The following RASSF3 variants were observed in gnomAD, a reference collection of about 807,000 sequenced individuals.
The protein encoded by RASSF3 is ras association domain-containing protein 3.
A neutral mutation model predicts 19.9 loss-of-function variants in RASSF3; 19 were observed. The ratio of observed to expected loss-of-function variants is 0.96; its 90% CI spans 0.67 to 1.40. The LOEUF (loss-of-function observed/expected upper bound fraction) is 1.40. Among genes scored for constraint, RASSF3 ranks in the 40% most tolerant of loss-of-function variants. The pLI is 0.00. For synonymous variants in RASSF3, 110 were observed against 104.2 expected, an observed-to-expected ratio of 1.06 and a Z score of -0.34; for missense variants, 306 against 289.8, an observed-to-expected ratio of 1.06 and a Z score of -0.41.
intron 1 of RASSF3, among the ~76,000 whole-genome samples, chr12:64,621,955 T>A (rs1870786446): frequency 6.6e-6 from 1 of 151,898 alleles, no homozygotes; most frequent in African/African-American, 2.4e-5. Context: ...CCATGTGTTT[T>A]AAAAAAAAGG....
chr12:64,537,377 T>C (rs1408819412), intron 1 of RASSF3, among the ~76,000 whole-genome samples: 1 of 152,192 alleles, frequency 6.6e-6, no homozygotes, highest in African/African-American at 2.4e-5. Flanking sequence ...CTGAGTAGGA[T>C]AGTAATGGGT....
At chr12:64,666,855 G>A (rs1339506104) in intron 1 of RASSF3, among the ~76,000 whole-genome samples, 1 of 152,150 alleles carries the variant, frequency 6.6e-6, no homozygotes, top group African/African-American at 2.4e-5. Context: ...GCCAAAATTG[G>A]TTCATTTACT....
rs116778842 is a variant in RASSF3 at position 64,624,168 on chromosome 12, C to G, written c.111+13425C>G. 3.7e-3 allele frequency among the ~76,000 whole-genome samples: 563 copies of G among 151,994 alleles called. 16 individuals are homozygous for G. The highest frequency in any genetic ancestry group is 0.013 in the African/African-American group (537 of 41,284). On this transcript the variant is annotated intron_variant, in intron 1 of 4. Coordinates refer to ENST00000542104, the MANE Select transcript of RASSF3 (RefSeq NM_178169.4). ...ACGAGTACGTTTCATAAAGGCAAAC[C>G]TAGCACCGATATCAACAAATCCACT...
rs1868391641 is a variant in RASSF3 at position 64,697,137 on chromosome 12, G to A, written c.*2225G>A. ...CTCATCTATATTTACCCAAAACCTCGCTTACTGTCATGTGCACTACAAATT... is the reference window on the plus strand; with the variant it reads ...CTCATCTATATTTACCCAAAACCTCACTTACTGTCATGTGCACTACAAATT... On this transcript the variant is annotated 3_prime_UTR_variant, in exon 5 of 5. Transcript: ENST00000542104. 1 of 145,588 alleles carries A rather than the reference G, an allele frequency of 6.9e-6. No individual in the cohort carries two copies. Among genetic ancestry groups the A allele is most frequent in the African/African-American group, 2.6e-5 (1 of 39,034 alleles). 9.0% of individuals were successfully genotyped at this position (145,588 alleles called of 1,614,324 possible). A position where few individuals can be genotyped will look rare whatever the true frequency, so the allele number is the denominator to read the frequency against.
At chr12:64,528,132 G>A (rs1007671597) in intron 1 of RASSF3, among the ~76,000 whole-genome samples, 1 of 151,968 alleles carries the variant, frequency 6.6e-6, no homozygotes, top group African/African-American at 2.4e-5. Flanking sequence ...AATTAGTGGG[G>A]CATGGTGGTG....
At chr12:64,638,355 C>T (rs990791199) in intron 1 of RASSF3, among the ~76,000 whole-genome samples, 28 of 151,966 alleles carry the variant, frequency 1.8e-4, no homozygotes, top group South Asian at 4.1e-4. Context: ...CCGAGGCGGG[C>T]GGATCACAAG....
At position 64,622,862 on chromosome 12, in the gene RASSF3, C is replaced by G. The variant is rs1870833743; in HGVS notation, c.111+12119C>G. Among the ~76,000 whole-genome samples the G allele has an allele frequency of 6.0e-5, 9 of 151,102 alleles. No individual in the cohort carries two copies. In the South Asian group the frequency reaches 1.9e-3, roughly 32 times the overall value. On this transcript the variant is annotated intron_variant, in intron 1 of 4. Coordinates refer to ENST00000542104, the MANE Select transcript of RASSF3 (RefSeq NM_178169.4). ...TTGAGATGGAGTCTTGCTCTGTTGCCCAGGCTGTAGTACAGTGGCACGATC... is the reference window on the plus strand; with the variant it reads ...TTGAGATGGAGTCTTGCTCTGTTGCGCAGGCTGTAGTACAGTGGCACGATC...
intron 2 of RASSF3, among the ~76,000 whole-genome samples, chr12:64,563,425 T>C (rs1291854879): frequency 4.0e-5 from 6 of 151,430 alleles, no homozygotes; most frequent in African/African-American, 1.5e-4. Flanking sequence ...CCACCTCAGC[T>C]TCCCAAAGTG....
At chr12:64,567,974 C>T (rs978457335) in intron 2 of RASSF3, among the ~76,000 whole-genome samples, 1 of 152,250 alleles carries the variant, frequency 6.6e-6, no homozygotes. Flanking sequence ...TTTCTCCTCA[C>T]ATCCTGAGGC....
At position 64,632,560 on chromosome 12, in the gene RASSF3, C is replaced by T. The variant is rs368764534; in HGVS notation, c.111+21817C>T. ...TTGAGTTGTCACATTGGCACCTGAT[C>T]GACCAGGGTGAGGGGAGGCAAGGAA... On this transcript the variant is annotated intron_variant, in intron 1 of 4. Transcript: ENST00000542104. Among the ~76,000 whole-genome samples the T allele has an allele frequency of 1.1e-4, 17 of 151,918 alleles. No individual in the cohort carries two copies. The East Asian group carries it at 1.4e-3, about 12-fold the overall frequency.
chr12:64,673,714 C>T (rs532663271), intron 1 of RASSF3, among the ~76,000 whole-genome samples: 1 of 152,248 alleles, frequency 6.6e-6, no homozygotes, highest in South Asian at 2.1e-4. Context: ...TTACATAGCT[C>T]ACCTAGAATT....
intron 1 of RASSF3, among the ~76,000 whole-genome samples, chr12:64,660,012 ATATG>A (rs976327806): frequency 2.6e-5 from 3 of 113,936 alleles, no homozygotes; most frequent in African/African-American, 1.3e-4. Context: ...GCGTGTATAT[ATATG>A]TGTGTGTGTG....
chr12:64,576,090 TGTTAAAGCAAGAATA>T lies in RASSF3; in HGVS notation c.294+34396_294+34410del, dbSNP rs1869591765. 2.6e-5 allele frequency among the ~76,000 whole-genome samples: 4 copies of T among 152,192 alleles called. No individual in the cohort carries two copies. In the South Asian group the frequency reaches 6.2e-4, roughly 24 times the overall value. On this transcript the variant is annotated intron_variant, in intron 2 of 5. Transcript: ENST00000637125. ...TTTTAGTAGAGACAGGGTTTCTCCA[TGTTAAAGCAAGAATA>T]GTTAAAGCAATCTTGGAGAAGACAA...
chr12:64,581,110 TA>T (rs749206943), intron 2 of RASSF3, among the ~76,000 whole-genome samples: 1,784 of 143,214 alleles, frequency 0.012, 12 homozygotes, highest in Non-Finnish European at 0.014. Context: ...ATTACTGTGG[TA>T]AAAAAAAAAA....
At chr12:64,686,428 C>T (rs530939771) in intron 2 of RASSF3, among the ~76,000 whole-genome samples, 1 of 152,224 alleles carries the variant, frequency 6.6e-6, no homozygotes, top group African/African-American at 2.4e-5. Flanking sequence ...CTGGCTAACA[C>T]AGTGAAACCC....
chr12:64,551,581 T>A (rs11175446), intron 2 of RASSF3, among the ~76,000 whole-genome samples: 23,809 of 152,124 alleles, frequency 0.16, 2,453 homozygotes, highest in African/African-American at 0.29. Flanking sequence ...GTCTCAAAAA[T>A]AATATGCATG....
chr12:64,548,953 G>A (rs188837179), intron 2 of RASSF3, among the ~76,000 whole-genome samples: 6 of 152,248 alleles, frequency 3.9e-5, no homozygotes, highest in Admixed American at 3.9e-4. Flanking sequence ...CTCAGAGGAT[G>A]TGGACTTCAC....
upstream of RASSF3, among the ~76,000 whole-genome samples, chr12:64,531,909 A>G (rs1868716641): frequency 6.6e-6 from 1 of 152,206 alleles, no homozygotes; most frequent in Non-Finnish European, 1.5e-5. Context: ...TTTGCACCCA[A>G]TCCTGATGGC....
At chr12:64,561,223 T>C (rs1869342198) in intron 2 of RASSF3, among the ~76,000 whole-genome samples, 1 of 152,250 alleles carries the variant, frequency 6.6e-6, no homozygotes, top group Non-Finnish European at 1.5e-5. Context: ...AGGCTACTTA[T>C]ATCACTATTG....
Sources: allele counts gnomAD v4.1 joint callset (sites outside exome capture counted in the v4.1 genomes callset), GRCh38; gene constraint gnomAD v4.1.1; transcripts MANE v1.5; gene names NCBI Gene and HGNC (gene_info 2026-07-23, HGNC 2026-07-21).